TOX3: variants seen among roughly 807,000 people sequenced by gnomAD.
TOX3 encodes TOX high mobility group box family member 3.
In TOX3, 22 loss-of-function variants were observed where a neutral mutation model predicts 64.3. The ratio of observed to expected loss-of-function variants is 0.34; its 90% CI spans 0.24 to 0.49. TOX3 has a LOEUF of 0.49. Ranked by LOEUF, TOX3 falls within the 20% of genes least tolerant of loss-of-function variation. TOX3 has a pLI of 0.99. For missense variants in TOX3, 661 were observed against 714.4 expected, an observed-to-expected ratio of 0.93 and a Z score of 0.85; for synonymous variants, 291 against 273.6, an observed-to-expected ratio of 1.06 and a Z score of -0.63.
At chr16:52,523,262 G>A (rs1238389500) in intron 1 of TOX3, among the ~76,000 whole-genome samples, 3 of 152,184 alleles carry the variant, frequency 2.0e-5, no homozygotes, top group Non-Finnish European at 4.4e-5. Flanking sequence ...AGGTGGGCGT[G>A]TGCCAGGGGT....
chr16:52,465,002 A>ATTCTTTTTT (rs1960813861), intron 2 of TOX3, among the ~76,000 whole-genome samples: 3 of 60,978 alleles, frequency 4.9e-5, no homozygotes, highest in Non-Finnish European at 9.7e-5. Context: ...GTCTTAATGC[A>ATTCTTTTTT]TTCTTTTTTT....
intron 1 of TOX3, among the ~76,000 whole-genome samples, chr16:52,515,802 C>G (rs143177017): frequency 1.9e-3 from 294 of 152,308 alleles, no homozygotes; most frequent in South Asian, 5.8e-3. Flanking sequence ...CTATAGCAAA[C>G]TATATTAGCT....
chr16:52,445,202 T>C (rs1398940612), intron 5 of TOX3: 1 of 152,248 alleles, frequency 6.6e-6, no homozygotes, highest in Non-Finnish European at 1.5e-5. Flanking sequence ...AGGAATGAGT[T>C]CCTGAAATAA....
chr16:52,478,739 CAT>C (rs1438584383), intron 1 of TOX3, among the ~76,000 whole-genome samples: 1 of 152,152 alleles, frequency 6.6e-6, no homozygotes, highest in Non-Finnish European at 1.5e-5. Flanking sequence ...TAAGTTGCTT[CAT>C]GTTACCTCTC....
chr16:52,510,186 C>T (rs1962266171), intron 1 of TOX3, among the ~76,000 whole-genome samples: 1 of 148,570 alleles, frequency 6.7e-6, no homozygotes, highest in South Asian at 2.1e-4. Context: ...AGATAAAAGG[C>T]AAGGTGTTTT....
intron 1 of TOX3, among the ~76,000 whole-genome samples, chr16:52,507,989 G>T (rs1962206479): frequency 6.6e-6 from 1 of 152,184 alleles, no homozygotes; most frequent in Non-Finnish European, 1.5e-5. Flanking sequence ...TATTATAAAT[G>T]AGCTTGAGGT....
intron 1 of TOX3, among the ~76,000 whole-genome samples, chr16:52,511,457 A>C (rs1453586515): frequency 6.6e-6 from 1 of 152,124 alleles, no homozygotes; most frequent in Non-Finnish European, 1.5e-5. Context: ...GTGCCATTGC[A>C]CTCCAGCTCT....
At chr16:52,533,661 A>G (rs1962894436) in intron 1 of TOX3, among the ~76,000 whole-genome samples, 1 of 151,988 alleles carries the variant, frequency 6.6e-6, no homozygotes, top group Non-Finnish European at 1.5e-5. Context: ...TTAATTTCAC[A>G]TTAATTTATT....
At chr16:52,523,611 G>A (rs1472014017) in intron 1 of TOX3, among the ~76,000 whole-genome samples, 2 of 152,164 alleles carry the variant, frequency 1.3e-5, no homozygotes, top group Non-Finnish European at 2.9e-5. Context: ...GACTGACAGG[G>A]AACCAAACAG....
At chr16:52,490,972 C>T (rs1397608823) in intron 1 of TOX3, among the ~76,000 whole-genome samples, 1 of 152,036 alleles carries the variant, frequency 6.6e-6, no homozygotes, top group Non-Finnish European at 1.5e-5. Flanking sequence ...ATGGCTAAAG[C>T]GTAATTTACC....
chr16:52,522,056 AT>A (rs1962624729), intron 1 of TOX3, among the ~76,000 whole-genome samples: 1 of 152,120 alleles, frequency 6.6e-6, no homozygotes, highest in African/African-American at 2.4e-5. Context: ...GTCGTGGAGG[AT>A]TAAATTTATT....
chr16:52,437,785 A>G lies in TOX3; in HGVS notation c.*1440T>C, dbSNP rs1218110930. On this transcript the variant is annotated 3_prime_UTR_variant, in exon 7 of 7. Transcript: ENST00000219746. ...TTCTCTATACTTACCTTGTACTTGCATCTTAAAAAAAAAAAAAAAAAAAAA... is the reference window on the plus strand; with the variant it reads ...TTCTCTATACTTACCTTGTACTTGCGTCTTAAAAAAAAAAAAAAAAAAAAA... 2.2e-5 allele frequency among the ~76,000 whole-genome samples: 2 copies of G among 89,046 alleles called. No individual in the cohort carries two copies. The highest frequency in any genetic ancestry group is 9.0e-5 in the African/African-American group (2 of 22,206). The allele number at this position is 89,046 out of a possible 152,430, so 58.4% of individuals were successfully genotyped here. A position where few individuals can be genotyped will look rare whatever the true frequency, so the allele number is the denominator to read the frequency against.
chr16:52,444,428 T>C (rs1567309744), intron 5 of TOX3, 72 bp from the exon 6 acceptor site: 2 of 1,326,028 alleles, frequency 1.5e-6, no homozygotes, highest in Non-Finnish European at 2.1e-6. Context: ...GCTGCACAAA[T>C]TAGGTCACAT....
chr16:52,475,101 C>T (rs1169729277), intron 1 of TOX3, among the ~76,000 whole-genome samples: 5 of 152,198 alleles, frequency 3.3e-5, no homozygotes, highest in African/African-American at 1.2e-4. Context: ...ACCTCCAACA[C>T]TCTCTATCCC....
chr16:52,493,389 A>G (rs780340641), intron 1 of TOX3, among the ~76,000 whole-genome samples: 4 of 152,202 alleles, frequency 2.6e-5, no homozygotes, highest in Non-Finnish European at 5.9e-5. Flanking sequence ...AGTTCAGCGT[A>G]TCCATAAATT....
chr16:52,452,716 A>G (rs1960390079), intron 3 of TOX3, among the ~76,000 whole-genome samples: 1 of 152,302 alleles, frequency 6.6e-6, no homozygotes, highest in Non-Finnish European at 1.5e-5. Flanking sequence ...AAAAGTAAAC[A>G]AAAACTAAAA....
intron 1 of TOX3, among the ~76,000 whole-genome samples, chr16:52,501,898 T>G (rs4784220): frequency 6.6e-6 from 1 of 151,948 alleles, no homozygotes; most frequent in Non-Finnish European, 1.5e-5. Context: ...TGGGCTAAGA[T>G]GGACCCTTCT....
intron 5 of TOX3, chr16:52,445,722 T>A (rs1296468336): frequency 5.6e-6 from 2 of 359,136 alleles, no homozygotes; most frequent in African/African-American, 4.2e-5. Context: ...AAGATTATCA[T>A]CAAAAGTTTA....
rs535816245 is a variant in TOX3 at position 52,451,627 on chromosome 16, T to C, written c.409-1081A>G. ...CTATGAATTCTTAACTGTTCCTTTT[T>C]TGAGTCCTTCCGATAAGGCTTATTT... On this transcript the variant is annotated intron_variant, in intron 3 of 6. Transcript: ENST00000219746. 5.6e-4 allele frequency among the ~76,000 whole-genome samples: 85 copies of C among 152,324 alleles called. 1 individual carries two copies. The South Asian group carries it at 0.017, about 30-fold the overall frequency.
Sources: allele counts gnomAD v4.1 joint callset (sites outside exome capture counted in the v4.1 genomes callset), GRCh38; gene constraint gnomAD v4.1.1; transcripts MANE v1.5; gene names NCBI Gene and HGNC (gene_info 2026-07-23, HGNC 2026-07-21).